Variants in PCDHGA2 observed in about 807,000 individuals in gnomAD.
PCDHGA2 encodes the protein protocadherin gamma-A2.
PCDHGA2 carries 40 observed loss-of-function variants against 59.2 expected under a neutral mutation model. The ratio of observed to expected loss-of-function variants is 0.68; its 90% confidence interval spans 0.52 to 0.88. PCDHGA2 has a LOEUF of 0.88. Among genes scored for constraint, PCDHGA2 ranks in the 40% least tolerant of loss-of-function variants. PCDHGA2 has a pLI of 0.00. For missense variants in PCDHGA2, 1,226 were observed against 1,204.0 expected (o/e 1.02, Z -0.27); for synonymous variants, 560 against 526.0 (o/e 1.06, Z -0.89).
At chr5:141,385,542 A>G in intron 1 of PCDHGA2, 1 of 1,327,542 alleles carries the variant, frequency 7.5e-7, no homozygotes. Context: ...GAATATGTGG[A>G]CTATCACATT....
chr5:141,355,747 C>A, intron 1 of PCDHGA2: 4 of 1,613,988 alleles, frequency 2.5e-6, no homozygotes, highest in Non-Finnish European at 3.4e-6. Context: ...CCTGGACGTG[C>A]AAAGTGGGGC....
At chr5:141,395,807 A>G (rs1561656089) in intron 1 of PCDHGA2, 1 of 152,004 alleles carries the variant, frequency 6.6e-6, no homozygotes, top group Non-Finnish European at 1.5e-5. Context: ...ATCCTTCAAA[A>G]CATGAACAAA....
intron 1 of PCDHGA2, among the ~76,000 whole-genome samples, chr5:141,349,039 A>G (rs549137287): frequency 6.6e-6 from 1 of 152,264 alleles, no homozygotes; most frequent in South Asian, 2.1e-4. Context: ...TTGCTCATTA[A>G]TGGTATAAGT....
rs746487145 is a variant in PCDHGA2 at position 141,505,415 on chromosome 5, G to A, written c.2506G>A (p.Gly836Ser). 7.4e-6 allele frequency: 12 copies of A among 1,614,074 alleles called. No individual in the cohort carries two copies. The East Asian group carries it at 1.3e-4, about 18-fold the overall frequency. Residue 836 changes from glycine to serine, a missense_variant, in exon 3 of 4, where the codon GGC (glycine) becomes AGC (serine). Gly to Ser is a moderately conservative substitution (Grantham distance 56, BLOSUM62 0). Coordinates refer to ENST00000394576, the MANE Select transcript of PCDHGA2 (RefSeq NM_018915.4). ...CAGCTCCCAAAATGGCGATGACACC[G>A]GCACCTGGCCCAACAACCAGTTTGA... ...TSGSQNGDDT[G>S]TWPNNQFDTE...
At chr5:141,443,317 C>A (rs898636207) in intron 1 of PCDHGA2, among the ~76,000 whole-genome samples, 39 of 142,046 alleles carry the variant, frequency 2.7e-4, no homozygotes, top group Non-Finnish European at 2.5e-4. Context: ...CCCATCTCTA[C>A]AAAAAAAAAA....
chr5:141,444,043 T>C (rs542828018), intron 1 of PCDHGA2, among the ~76,000 whole-genome samples: 1 of 151,820 alleles, frequency 6.6e-6, no homozygotes, highest in African/African-American at 2.4e-5. Context: ...AATCAGATAA[T>C]TTGGCATCTT....
rs1673656240 is a variant in PCDHGA2, at chr5:141,345,285, T to C, written c.2424+3890T>C. On this transcript the variant is annotated intron_variant, in intron 1 of 3. Transcript: ENST00000394576. ...CCTGGACCGCGAACAAATATCAGAATATAACATTAGTCTGAGAGCCTCAGA... is the reference window on the plus strand; with the variant it reads ...CCTGGACCGCGAACAAATATCAGAACATAACATTAGTCTGAGAGCCTCAGA... The C allele has an allele frequency of 6.2e-7, 1 of 1,613,916 alleles. No individual in the cohort carries two copies. The highest frequency in any genetic ancestry group is 8.5e-7 in the Non-Finnish European group (1 of 1,179,880).
intron 1 of PCDHGA2, chr5:141,364,578 G>A (rs1168883805): frequency 1.2e-6 from 2 of 1,614,212 alleles, no homozygotes. Flanking sequence ...CGAAGCGGCA[G>A]CTTGGTCACC....
Position 141,485,943 on chromosome 5 carries a change from C to CG in PCDHGA2, c.2425-8861dup, listed in dbSNP as rs1562109052. ...ATTAGTGTGTTGGAGAGCGCACCAG[C>CG]GGGCATGGTGCTCATCCAGCTCAAT... On this transcript the variant is annotated intron_variant, in intron 1 of 3. Coordinates refer to ENST00000394576, the MANE Select transcript of PCDHGA2 (RefSeq NM_018915.4). The surrounding 1 kb of genome is among the most constrained non-coding windows in gnomAD (Gnocchi z 5.7). The CG allele has an allele frequency of 1.2e-6, 2 of 1,614,126 alleles. No individual in the cohort carries two copies. Among genetic ancestry groups the CG allele is most frequent in the Non-Finnish European group, 1.7e-6 (2 of 1,180,012 alleles).
chr5:141,485,033 T>C lies in PCDHGA2; in HGVS notation c.2425-9774T>C. 1 of 689,352 alleles carries C rather than the reference T, an allele frequency of 1.5e-6. No homozygotes were observed. The highest frequency in any genetic ancestry group is 2.5e-6 in the Non-Finnish European group (1 of 392,590). The allele number at this position is 689,352 out of a possible 1,614,324, so 42.7% of individuals were successfully genotyped here. On this transcript the variant is annotated intron_variant, in intron 1 of 3. Coordinates refer to ENST00000394576, the MANE Select transcript of PCDHGA2 (RefSeq NM_018915.4). This position sits in a 1 kb window ranked among gnomAD's most constrained non-coding sequence, Gnocchi z 5.7. ...CCCCGCCACCAGCAAAAACGGCGCG[T>C]AACCCTTGCGGCGCCGGCCGAACCG...
chr5:141,415,110 C>G (rs1490074484), intron 1 of PCDHGA2: 2 of 1,613,548 alleles, frequency 1.2e-6, no homozygotes, highest in East Asian at 2.2e-5. Flanking sequence ...TCAAGCAAAG[C>G]CTCGTAGTGG....
intron 1 of PCDHGA2, chr5:141,383,742 T>C: frequency 6.2e-7 from 1 of 1,613,986 alleles, no homozygotes; most frequent in Non-Finnish European, 8.5e-7. Flanking sequence ...CATATTCTTT[T>C]CGGAAAATAA....
At chr5:141,464,978 GT>G in intron 1 of PCDHGA2, among the ~76,000 whole-genome samples, 1 of 152,148 alleles carries the variant, frequency 6.6e-6, no homozygotes, top group East Asian at 1.9e-4. Context: ...CTGGCTTCAA[GT>G]GATCCTCCCA....
chr5:141,383,972 A>C, intron 1 of PCDHGA2: 1 of 1,613,800 alleles, frequency 6.2e-7, no homozygotes, highest in Non-Finnish European at 8.5e-7. Context: ...TCAATCCCTG[A>C]AGACACACCT....
At position 141,423,488 on chromosome 5, in the gene PCDHGA2, A is replaced by G. The variant is rs141810253; in HGVS notation, c.2425-71319A>G. The G allele has an allele frequency of 9.2e-4, 1,481 of 1,613,946 alleles. 7 individuals carry two copies. The highest frequency in any genetic ancestry group is 3.0e-3 in the Middle Eastern group (18 of 6,062). On this transcript the variant is annotated intron_variant, in intron 1 of 3. Transcript: ENST00000394576. The stretch of plus-strand genomic sequence containing the variant: ...GGGGTACAGGCTTTCCTGCAAACCT[A>G]TTCCCACGAGGTCTCTCTCATTGCG...
intron 1 of PCDHGA2, chr5:141,379,491 C>T (rs1173749207): frequency 6.6e-6 from 1 of 152,150 alleles, no homozygotes; most frequent in Non-Finnish European, 1.5e-5. Context: ...ACTATACTAC[C>T]AATTTGGGAT....
At chr5:141,382,809 C>A in intron 1 of PCDHGA2, 1 of 1,143,884 alleles carries the variant, frequency 8.7e-7, no homozygotes, top group Non-Finnish European at 1.2e-6. Context: ...TTCTGAGCTC[C>A]CCTTCCTAAG....
Position 141,362,044 on chromosome 5 carries a change from G to C in PCDHGA2, c.2424+20649G>C, listed in dbSNP as rs571731822. On this transcript the variant is annotated intron_variant, in intron 1 of 3. Coordinates refer to ENST00000394576, the MANE Select transcript of PCDHGA2 (RefSeq NM_018915.4). ...AGCGCGTGCCTTGGGCGACAGGGAC[G>C]CGGCCCGCCAGCGCCTGCTGGTCGC... 46 of 1,610,576 alleles carry C rather than the reference G, an allele frequency of 2.9e-5. No homozygotes were observed. The East Asian group carries it at 9.8e-4, about 34-fold the overall frequency.
Position 141,340,625 on chromosome 5 carries a change from G to C in PCDHGA2, c.1654G>C (p.Val552Leu), listed in dbSNP as rs200006551. ...LSSNVSLSLF[V>L]LDQNDNAPEI... Reference sequence around the variant, plus strand: ...TAGCAATGTATCATTAAGCCTGTTCGTGCTGGACCAGAACGACAACGCGCC... The same window carrying C: ...TAGCAATGTATCATTAAGCCTGTTCCTGCTGGACCAGAACGACAACGCGCC... Residue 552 changes from valine to leucine, a missense_variant, in exon 1 of 4, where the codon GTG (valine) becomes CTG (leucine). Coordinates refer to ENST00000394576, the MANE Select transcript of PCDHGA2 (RefSeq NM_018915.4). The C allele has an allele frequency of 1.2e-5, 20 of 1,614,084 alleles. No homozygotes were observed. In the East Asian group the frequency reaches 4.2e-4, roughly 34 times the overall value.
Sources: allele counts gnomAD v4.1 joint callset (sites outside exome capture counted in the v4.1 genomes callset), GRCh38; gene constraint gnomAD v4.1.1; non-coding constraint Gnocchi (gnomAD v3.1); transcripts MANE v1.5; gene names NCBI Gene and HGNC (gene_info 2026-07-23, HGNC 2026-07-21).